BCAS3: variants seen among roughly 807,000 people sequenced by gnomAD.
BCAS3 encodes BCAS4/BCAS3 fusion.
Under a neutral mutation model 116.1 loss-of-function variants are expected in BCAS3, and 53 were observed. The observed-to-expected ratio is 0.46, with a 90% CI of 0.37 to 0.57. The LOEUF (loss-of-function observed/expected upper bound fraction) is 0.57. BCAS3 is among the 20% of genes least tolerant of loss of function. The pLI is 0.00. For missense variants in BCAS3, 917 were observed against 1,165.4 expected (o/e 0.79, Z 3.10); for synonymous variants, 391 against 408.2 (o/e 0.96, Z 0.51).
intron 5 of BCAS3, among the ~76,000 whole-genome samples, chr17:60,715,183 G>C (rs1281392617): frequency 1.4e-5 from 2 of 147,898 alleles, no homozygotes; most frequent in Admixed American, 6.8e-5. Flanking sequence ...GCTCAGACTG[G>C]AGTGCAGTGG....
At chr17:60,682,928 T>G (rs1000964608) in intron 2 of BCAS3, among the ~76,000 whole-genome samples, 1 of 152,220 alleles carries the variant, frequency 6.6e-6, no homozygotes, top group African/African-American at 2.4e-5. Flanking sequence ...CAGTGTTATT[T>G]TTTTCCCCTT....
rs1331688889 is a variant in BCAS3 at position 61,136,917 on chromosome 17, G to GT, written c.2425+52354dup. ...ACCAGCAGTAACCAGACCCTGGTGGGTGCTGAGAAAATGTTGAATTATTCA... is the reference window on the plus strand; with the variant it reads ...ACCAGCAGTAACCAGACCCTGGTGGGTTGCTGAGAAAATGTTGAATTATTCA... On this transcript the variant is annotated intron_variant, in intron 22 of 23. Transcript: ENST00000407086. This position sits in a 1 kb window ranked among gnomAD's most constrained non-coding sequence, Gnocchi z 4.4. 6.6e-6 allele frequency among the ~76,000 whole-genome samples: 1 copy of GT among 152,146 alleles called. No homozygotes were observed.
chr17:60,789,306 A>T (rs1005599581), intron 6 of BCAS3, among the ~76,000 whole-genome samples: 1 of 152,066 alleles, frequency 6.6e-6, no homozygotes, highest in Non-Finnish European at 1.5e-5. Context: ...CTGATTTCTG[A>T]GCTTAAATCC....
chr17:61,104,010 T>C lies in BCAS3; in HGVS notation c.2425+19446T>C, dbSNP rs1268600338. On this transcript the variant is annotated intron_variant, in intron 22 of 23. Transcript: ENST00000407086. The surrounding 1 kb of genome is among the most constrained non-coding windows in gnomAD (Gnocchi z 4.1). ...TGACATTAGTGGTTTTAGCTCTTGTTGACCCATCTTTAAACCAAAGCTTTA... is the reference window on the plus strand; with the variant it reads ...TGACATTAGTGGTTTTAGCTCTTGTCGACCCATCTTTAAACCAAAGCTTTA... 2.0e-5 allele frequency among the ~76,000 whole-genome samples: 3 copies of C among 152,236 alleles called. No homozygotes were observed. Among genetic ancestry groups the C allele is most frequent in the Non-Finnish European group, 4.4e-5 (3 of 68,036 alleles).
intron 7 of BCAS3, among the ~76,000 whole-genome samples, chr17:60,816,268 C>CTTTTTT (rs1334831441): frequency 7.3e-6 from 1 of 136,498 alleles, no homozygotes; most frequent in African/African-American, 3.4e-5. Flanking sequence ...ACTTTTCTTT[C>CTTTTTT]TTTTTCTTTT....
rs532457022 is a variant in BCAS3 at position 61,116,392 on chromosome 17, G to A, written c.2425+31828G>A. Among the ~76,000 whole-genome samples, 3 of 152,176 alleles carry A rather than the reference G, an allele frequency of 2.0e-5. No individual in the cohort carries two copies. The South Asian group carries it at 6.2e-4, about 32-fold the overall frequency. ...TGGTATCACTATTTCACCAATTTGA[G>A]TGTAGCCCTTCTTCCGTTTATGTCC... On this transcript the variant is annotated intron_variant, in intron 22 of 23. Coordinates refer to ENST00000407086, the MANE Select transcript of BCAS3 (RefSeq NM_017679.5).
chr17:60,966,525 A>G (rs1378840755), intron 14 of BCAS3, among the ~76,000 whole-genome samples: 3 of 152,198 alleles, frequency 2.0e-5, no homozygotes, highest in Non-Finnish European at 4.4e-5. Context: ...GGAGGCTTAT[A>G]GAGACATCTT....
At chr17:60,950,264 G>T (rs61205194) in intron 14 of BCAS3, among the ~76,000 whole-genome samples, 11,869 of 152,098 alleles carry the variant, frequency 0.078, 1,582 homozygotes, top group African/African-American at 0.27. Context: ...GGGAGGGTTG[G>T]TTAGATAATA....
At chr17:61,382,388 G>A (rs1183261872) in intron 23 of BCAS3, among the ~76,000 whole-genome samples, 3 of 150,974 alleles carry the variant, frequency 2.0e-5, no homozygotes, top group Non-Finnish European at 4.4e-5. Flanking sequence ...AGCCTCCCCA[G>A]TAGCTGGGAT....
At chr17:60,686,119 C>T (rs370774830) in intron 3 of BCAS3, among the ~76,000 whole-genome samples, 1 of 152,012 alleles carries the variant, frequency 6.6e-6, no homozygotes, top group African/African-American at 2.4e-5. Flanking sequence ...CTGCCTGCCT[C>T]GGCCTCCCAA....
intron 3 of BCAS3, among the ~76,000 whole-genome samples, chr17:60,687,842 C>G (rs560122874): frequency 5.9e-5 from 9 of 152,176 alleles, no homozygotes; most frequent in African/African-American, 2.2e-4. Context: ...CTCAAAAATT[C>G]TGAGTAAAAA....
chr17:61,210,730 A>G (rs1365235477), intron 22 of BCAS3, among the ~76,000 whole-genome samples: 1 of 152,166 alleles, frequency 6.6e-6, no homozygotes, highest in African/African-American at 2.4e-5. Flanking sequence ...CTGAGTAATA[A>G]CATACATGAA....
chr17:61,146,889 T>C (rs1359429446), intron 22 of BCAS3, among the ~76,000 whole-genome samples: 1 of 152,166 alleles, frequency 6.6e-6, no homozygotes, highest in Non-Finnish European at 1.5e-5. Flanking sequence ...TTAGTTTTTT[T>C]AATGGCAGAT....
intron 6 of BCAS3, among the ~76,000 whole-genome samples, chr17:60,794,028 T>G (rs1416332825): frequency 6.6e-6 from 1 of 152,218 alleles, no homozygotes; most frequent in Admixed American, 6.5e-5. Context: ...CCACCAGCAG[T>G]GTAGAAGTGT....
At chr17:61,074,846 A>C (rs1055246798) in intron 19 of BCAS3, 74 bp from the exon 20 acceptor site, 4 of 963,042 alleles carry the variant, frequency 4.2e-6, no homozygotes, top group Non-Finnish European at 6.3e-6. Context: ...ATAGTATCCA[A>C]AATGGTTGTG....
chr17:61,304,793 G>C (rs148954129), intron 22 of BCAS3, among the ~76,000 whole-genome samples: 1 of 147,892 alleles, frequency 6.8e-6, no homozygotes, highest in African/African-American at 2.5e-5. Context: ...CGCTCTTGTC[G>C]CCCAGGTTGG....
intron 7 of BCAS3, among the ~76,000 whole-genome samples, chr17:60,831,644 G>T (rs924567466): frequency 6.6e-6 from 1 of 152,056 alleles, no homozygotes; most frequent in African/African-American, 2.4e-5. Context: ...ATGTTAATTA[G>T]AGCCTCCCTA....
rs575566147 is a variant in BCAS3 at position 61,124,018 on chromosome 17, A to C, written c.2425+39454A>C. 3.3e-5 allele frequency among the ~76,000 whole-genome samples: 5 copies of C among 152,268 alleles called. No individual in the cohort carries two copies. In the East Asian group the frequency reaches 9.6e-4, roughly 29 times the overall value. On this transcript the variant is annotated intron_variant, in intron 22 of 23. Coordinates refer to ENST00000407086, the MANE Select transcript of BCAS3 (RefSeq NM_017679.5). This position sits in a 1 kb window ranked among gnomAD's most constrained non-coding sequence, Gnocchi z 4.6. Reference sequence around the variant, plus strand: ...ATCAAATCAGTTCTTTTATGTGCTTATACTACATGGTTTTCAGCTATCAAA... The same window carrying C: ...ATCAAATCAGTTCTTTTATGTGCTTCTACTACATGGTTTTCAGCTATCAAA...
At position 61,368,519 on chromosome 17, in the gene BCAS3, C is replaced by A; in HGVS notation, c.2593+25C>A. 1 of 1,576,616 alleles carries A rather than the reference C, an allele frequency of 6.3e-7. No homozygotes were observed. Among genetic ancestry groups the A allele is most frequent in the South Asian group, 1.1e-5 (1 of 88,052 alleles). ...GGTAAAGGTGTCATCAGACTTCTAG[C>A]CTGATTTGGTCAGGACCAGCACCTG... is the stretch of plus-strand genomic sequence containing the variant. On this transcript the variant is annotated intron_variant, in intron 23 of 23. Transcript: ENST00000407086. The surrounding 1 kb of genome is among the most constrained non-coding windows in gnomAD (Gnocchi z 6.0).
Sources: allele counts gnomAD v4.1 joint callset (sites outside exome capture counted in the v4.1 genomes callset), GRCh38; gene constraint gnomAD v4.1.1; non-coding constraint Gnocchi (gnomAD v3.1); transcripts MANE v1.5; gene names NCBI Gene and HGNC (gene_info 2026-07-23, HGNC 2026-07-21).